The following ANKRD6 variants were observed in gnomAD, a reference collection of about 807,000 sequenced individuals.
The protein encoded by ANKRD6 is ankyrin repeat domain 6, also known as ankyrin repeat domain-containing protein 6.
ANKRD6 carries 56 observed loss-of-function variants against 82.3 expected under a neutral mutation model. The observed-to-expected ratio is 0.68, with a 90% CI of 0.55 to 0.85. The LOEUF (loss-of-function observed/expected upper bound fraction) is 0.85. Among genes scored for constraint, ANKRD6 ranks in the 40% least tolerant of loss-of-function variants. ANKRD6 has a pLI of 0.00. For missense variants in ANKRD6, 852 were observed against 907.6 expected, an observed-to-expected ratio of 0.94 and a Z score of 0.79; for synonymous variants, 347 against 352.1, an observed-to-expected ratio of 0.99 and a Z score of 0.16.
At chr6:89,440,416 A>T (rs1771228244) in intron 1 of ANKRD6, among the ~76,000 whole-genome samples, 1 of 152,234 alleles carries the variant, frequency 6.6e-6, no homozygotes, top group South Asian at 2.1e-4. Context: ...TAGGCTGTTA[A>T]GGACCTAAAG....
intron 1 of ANKRD6, among the ~76,000 whole-genome samples, chr6:89,542,756 C>A (rs1784589280): frequency 6.6e-6 from 1 of 152,200 alleles, no homozygotes; most frequent in Non-Finnish European, 1.5e-5. Flanking sequence ...AGCTCTGACA[C>A]CTGAAATTAT....
At chr6:89,608,031 A>C (rs1030355130) in intron 5 of ANKRD6, among the ~76,000 whole-genome samples, 10 of 152,212 alleles carry the variant, frequency 6.6e-5, no homozygotes, top group Non-Finnish European at 1.3e-4. Flanking sequence ...TCGGCCTCCC[A>C]AAGTGTTGGG....
chr6:89,548,727 T>C (rs1276015981), intron 1 of ANKRD6, among the ~76,000 whole-genome samples: 2 of 152,222 alleles, frequency 1.3e-5, no homozygotes, highest in Admixed American at 1.3e-4. Flanking sequence ...AGGCTTCTCC[T>C]TTGGAGCTTT....
intron 1 of ANKRD6, among the ~76,000 whole-genome samples, chr6:89,517,994 T>TAA (rs1781427249): frequency 1.3e-5 from 2 of 152,240 alleles, no homozygotes; most frequent in Admixed American, 1.3e-4. Context: ...ATTACTCCCT[T>TAA]ACCTTGTAGC....
In ANKRD6 at chr6:89,566,948, C is replaced by A. The variant is rs1281309936; in HGVS notation, c.-29C>A. ...TTGAGCTGAAGGAACTTGTCTACCG[C>A]TTCCCTGAAAACCTTTCTTTCCTAA... On this transcript the variant is annotated 5_prime_UTR_variant, in exon 2 of 16. Coordinates refer to ENST00000339746, the MANE Select transcript of ANKRD6 (RefSeq NM_001242809.2). 6 of 1,558,472 alleles carry A rather than the reference C, an allele frequency of 3.8e-6. No individual in the cohort carries two copies. Among genetic ancestry groups the A allele is most frequent in the Non-Finnish European group, 5.2e-6 (6 of 1,150,528 alleles).
chr6:89,450,731 C>G (rs886647972), intron 1 of ANKRD6, among the ~76,000 whole-genome samples: 1 of 151,494 alleles, frequency 6.6e-6, no homozygotes, highest in Non-Finnish European at 1.5e-5. Context: ...AGGCTAGTCT[C>G]GATCTCCTGG....
chr6:89,499,009 C>T (rs1050433923), intron 1 of ANKRD6, among the ~76,000 whole-genome samples: 15 of 152,144 alleles, frequency 9.9e-5, no homozygotes, highest in African/African-American at 3.6e-4. Context: ...GTTCAATTTT[C>T]CTAACCACCT....
intron 1 of ANKRD6, among the ~76,000 whole-genome samples, chr6:89,450,247 G>A (rs2127954003): frequency 6.6e-6 from 1 of 152,038 alleles, no homozygotes; most frequent in African/African-American, 2.4e-5. Context: ...TGAGGCAGGA[G>A]AATCACTTGA....
At chr6:89,630,143 G>T (rs990970413) in intron 15 of ANKRD6, among the ~76,000 whole-genome samples, 2 of 152,200 alleles carry the variant, frequency 1.3e-5, no homozygotes, top group African/African-American at 4.8e-5. Context: ...CAGGTAGATT[G>T]AGGCGGGCTG....
In ANKRD6 at chr6:89,536,397, G is replaced by A. The variant is rs566918140; in HGVS notation, c.-143-30437G>A. On this transcript the variant is annotated intron_variant, in intron 1 of 15. Coordinates refer to ENST00000339746, the MANE Select transcript of ANKRD6 (RefSeq NM_001242809.2). ...TTCCCAGCTGCCCTTTCTCAGTAAA[G>A]CGGCATGAAAGCTACATCCTCACCA... 5.3e-5 allele frequency among the ~76,000 whole-genome samples: 8 copies of A among 152,308 alleles called. No individual in the cohort carries two copies. The East Asian group carries it at 1.5e-3, about 29-fold the overall frequency.
chr6:89,480,941 C>CAAA lies in ANKRD6; in HGVS notation c.-144+47578_-144+47580dup, dbSNP rs372393432. 8.6e-3 allele frequency among the ~76,000 whole-genome samples: 799 copies of CAAA among 92,940 alleles called. 48 individuals carry two copies. The highest frequency in any genetic ancestry group is 0.03 in the African/African-American group (723 of 23,824). The allele number at this position is 92,940 out of a possible 152,430, so 61.0% of individuals were successfully genotyped here. A position where few individuals can be genotyped will look rare whatever the true frequency, so the allele number is the denominator to read the frequency against. On this transcript the variant is annotated intron_variant, in intron 1 of 15. Transcript: ENST00000339746. ...TGGGTGACAGAGTAAGACCCTGTCTCAAAAAAAAAAAAAATAGAAGAAGAA... is the reference window on the plus strand; with the variant it reads ...TGGGTGACAGAGTAAGACCCTGTCTCAAAAAAAAAAAAAAAAATAGAAGAAGAA...
Position 89,612,270 on chromosome 6 carries a change from AGG to A in ANKRD6, c.418-1_418del. 2 of 1,555,986 alleles carry A rather than the reference AGG, an allele frequency of 1.3e-6. No homozygotes were observed. Among genetic ancestry groups the A allele is most frequent in the Non-Finnish European group, 8.7e-7 (1 of 1,149,144 alleles). ...TCCTCCCTCTCTCTGCCTCTCTCCA[AGG>A]CGGGGAACACAGCTCTGCACCTGGC... On this transcript the variant is annotated splice_acceptor_variant and coding_sequence_variant, in exon 6 of 16. Coordinates refer to ENST00000339746, the MANE Select transcript of ANKRD6 (RefSeq NM_001242809.2). LOFTEE classifies it high-confidence loss of function.
intron 1 of ANKRD6, among the ~76,000 whole-genome samples, chr6:89,482,733 C>A (rs1469045009): frequency 6.6e-6 from 1 of 152,210 alleles, no homozygotes; most frequent in African/African-American, 2.4e-5. Flanking sequence ...CAGAATAAAT[C>A]TACTCTTTGT....
At chr6:89,527,707 G>T (rs962681777) in intron 1 of ANKRD6, among the ~76,000 whole-genome samples, 1 of 152,062 alleles carries the variant, frequency 6.6e-6, no homozygotes, top group East Asian at 1.9e-4. Flanking sequence ...CTTTTTGCTG[G>T]TGGAGGTTTC....
intron 1 of ANKRD6, among the ~76,000 whole-genome samples, chr6:89,453,950 T>C (rs1038559370): frequency 6.6e-6 from 1 of 151,992 alleles, no homozygotes; most frequent in African/African-American, 2.4e-5. Flanking sequence ...TACAGGCACC[T>C]GCCACCACGC....
intron 1 of ANKRD6, among the ~76,000 whole-genome samples, chr6:89,468,809 A>G (rs1351145799): frequency 6.6e-6 from 1 of 152,108 alleles, no homozygotes; most frequent in Non-Finnish European, 1.5e-5. Flanking sequence ...AAGGCATATC[A>G]TTTTGTAAAA....
chr6:89,448,425 T>A (rs1426416382), intron 1 of ANKRD6, among the ~76,000 whole-genome samples: 1 of 96,818 alleles, frequency 1.0e-5, no homozygotes, highest in East Asian at 3.3e-4. Flanking sequence ...CAGCAAGACC[T>A]TGTCAAAAAA....
chr6:89,531,786 T>C (rs2127990996), intron 1 of ANKRD6, among the ~76,000 whole-genome samples: 1 of 152,330 alleles, frequency 6.6e-6, no homozygotes, highest in African/African-American at 2.4e-5. Flanking sequence ...AGGATTCTCC[T>C]ACAAAAAAGG....
rs369644990 is a variant in ANKRD6 at position 89,509,915 on chromosome 6, C to T, written c.-143-56919C>T. ...GTTCTTAACCACACTATACCTTAAT[C>T]GCCAGTGCAAACATTAGCGCTGTTT... is the stretch of plus-strand genomic sequence containing the variant. On this transcript the variant is annotated intron_variant, in intron 1 of 15. Coordinates refer to ENST00000339746, the MANE Select transcript of ANKRD6 (RefSeq NM_001242809.2). 6.4e-4 allele frequency among the ~76,000 whole-genome samples: 97 copies of T among 152,350 alleles called. 3 individuals carry two copies. The highest frequency in any genetic ancestry group is 2.2e-3 in the African/African-American group (93 of 41,588).
Sources: allele counts gnomAD v4.1 joint callset (sites outside exome capture counted in the v4.1 genomes callset), GRCh38; gene constraint gnomAD v4.1.1; transcripts MANE v1.5; gene names NCBI Gene and HGNC (gene_info 2026-07-23, HGNC 2026-07-21).